Variants in CSGALNACT1 observed in about 807,000 individuals in gnomAD.
CSGALNACT1 encodes chondroitin sulfate N-acetylgalactosaminyltransferase 1, also known as beta4GalNAcT-1.
Under a neutral mutation model 51.0 loss-of-function variants are expected in CSGALNACT1, and 52 were observed. The observed-to-expected ratio is 1.02, with a 90% CI of 0.82 to 1.29. The LOEUF is 1.29. CSGALNACT1 is among the 50% of genes most tolerant of loss of function. The probability of loss-of-function intolerance (pLI) is 0.00; values close to 1 mark genes in which losing one functional copy is unlikely to be tolerated. For missense variants in CSGALNACT1, 935 were observed against 679.2 expected (o/e 1.38, Z -4.19); for synonymous variants, 341 against 254.4 (o/e 1.34, Z -3.24).
At chr8:19,610,674 C>T (rs547635655) in intron 1 of CSGALNACT1, among the ~76,000 whole-genome samples, 125 of 152,294 alleles carry the variant, frequency 8.2e-4, no homozygotes, top group African/African-American at 2.8e-3. Flanking sequence ...TGGCCCAGCT[C>T]CCGAGGAAAG....
At chr8:19,466,780 A>G (rs4442162) in intron 4 of CSGALNACT1, among the ~76,000 whole-genome samples, 8 of 152,108 alleles carry the variant, frequency 5.3e-5, no homozygotes, top group African/African-American at 1.9e-4. Context: ...CTGTCTTCAC[A>G]TGTGGGGCCA....
chr8:19,531,736 T>C (rs2082803891), intron 3 of CSGALNACT1: 1 of 152,228 alleles, frequency 6.6e-6, no homozygotes, highest in South Asian at 2.1e-4. Context: ...ACTTTGTTGT[T>C]TGCAAGCAAA....
chr8:19,508,557 T>C (rs1331291869), intron 3 of CSGALNACT1, among the ~76,000 whole-genome samples: 3 of 152,220 alleles, frequency 2.0e-5, no homozygotes, highest in Non-Finnish European at 4.4e-5. Context: ...TTCAGGCACC[T>C]TGCTGTTTCT....
intron 4 of CSGALNACT1, among the ~76,000 whole-genome samples, chr8:19,476,261 T>C (rs1010083793): frequency 2.0e-5 from 3 of 152,174 alleles, no homozygotes; most frequent in African/African-American, 7.2e-5. Context: ...TTTTTTGAGA[T>C]GGAGATTCAC....
At chr8:19,637,360 A>G (rs2056209148) in intron 1 of CSGALNACT1, among the ~76,000 whole-genome samples, 1 of 152,172 alleles carries the variant, frequency 6.6e-6, no homozygotes, top group South Asian at 2.1e-4. Context: ...AATCACAGCA[A>G]TCATTCTTTT....
chr8:19,453,102 A>G (rs1294188586), intron 5 of CSGALNACT1, among the ~76,000 whole-genome samples: 1 of 152,242 alleles, frequency 6.6e-6, no homozygotes, highest in Non-Finnish European at 1.5e-5. Context: ...CCCAAGAATC[A>G]GAATAAAATT....
intron 8 of CSGALNACT1, among the ~76,000 whole-genome samples, chr8:19,410,699 C>A (rs1376228499): frequency 6.6e-6 from 1 of 152,224 alleles, no homozygotes; most frequent in South Asian, 2.1e-4. Flanking sequence ...TGGAGGCAGT[C>A]TGGCTTATGA....
chr8:19,731,233 C>T (rs1367809678), intron 1 of CSGALNACT1, among the ~76,000 whole-genome samples: 2 of 152,146 alleles, frequency 1.3e-5, no homozygotes, highest in African/African-American at 2.4e-5. Context: ...CTTGGCCAGC[C>T]GCAGTGGCTC....
chr8:19,510,126 C>G (rs1485207638), intron 3 of CSGALNACT1, among the ~76,000 whole-genome samples: 2 of 152,148 alleles, frequency 1.3e-5, no homozygotes, highest in Non-Finnish European at 2.9e-5. Flanking sequence ...TTCATCCTTA[C>G]TAATTGTTTT....
intron 3 of CSGALNACT1, among the ~76,000 whole-genome samples, chr8:19,563,983 G>A (rs2041372226): frequency 6.6e-6 from 1 of 151,946 alleles, no homozygotes; most frequent in African/African-American, 2.4e-5. Context: ...TGTCTCCACG[G>A]CTCTCCACAC....
intron 1 of CSGALNACT1, among the ~76,000 whole-genome samples, chr8:19,648,181 G>C (rs954762452): frequency 1.3e-4 from 20 of 152,138 alleles, no homozygotes; most frequent in African/African-American, 4.8e-4. Context: ...CAACACTTAA[G>C]AATAAAGCAT....
intron 5 of CSGALNACT1, among the ~76,000 whole-genome samples, chr8:19,452,844 A>G (rs183675788): frequency 5.8e-4 from 89 of 152,308 alleles, no homozygotes; most frequent in African/African-American, 2.1e-3. Flanking sequence ...AAGAGCCACA[A>G]GAAAAGGGAA....
chr8:19,644,139 T>A (rs970583773), intron 1 of CSGALNACT1, among the ~76,000 whole-genome samples: 1 of 152,186 alleles, frequency 6.6e-6, no homozygotes, highest in East Asian at 1.9e-4. Context: ...ATTTGTGATA[T>A]ATGTTAATGT....
At position 19,461,624 on chromosome 8, in the gene CSGALNACT1, G is replaced by T. The variant is rs1448397125; in HGVS notation, c.635-2982C>A. ...ACAGCGGCCACATTCACCATGGGGG[G>T]CGTATCCGCACAGCGGCCACATTCA... On this transcript the variant is annotated intron_variant, in intron 4 of 9. Transcript: ENST00000454498. 8.8e-4 allele frequency among the ~76,000 whole-genome samples: 121 copies of T among 137,386 alleles called. 4 individuals are homozygous for T. Among genetic ancestry groups the T allele is most frequent in the Non-Finnish European group, 1.5e-3 (98 of 63,416 alleles). 90.1% of individuals were successfully genotyped at this position (137,386 alleles called of 152,430 possible). A position where few individuals can be genotyped will look rare whatever the true frequency, so the allele number is the denominator to read the frequency against.
At chr8:19,650,877 G>C (rs963212577) in intron 1 of CSGALNACT1, among the ~76,000 whole-genome samples, 5 of 152,186 alleles carry the variant, frequency 3.3e-5, no homozygotes, top group South Asian at 2.1e-4. Flanking sequence ...GGACTCAGGT[G>C]AAGAGTCACG....
At chr8:19,751,016 GA>G (rs2064995189) in intron 1 of CSGALNACT1, among the ~76,000 whole-genome samples, 1 of 152,070 alleles carries the variant, frequency 6.6e-6, no homozygotes, top group African/African-American at 2.4e-5. Context: ...CAGACCCTCT[GA>G]TAAAAATTAT....
chr8:19,638,445 A>T (rs1038910228), intron 1 of CSGALNACT1, among the ~76,000 whole-genome samples: 7 of 152,132 alleles, frequency 4.6e-5, no homozygotes, highest in Non-Finnish European at 1.0e-4. Flanking sequence ...GCCCTGTAAG[A>T]TTACTCTCAG....
intron 1 of CSGALNACT1, among the ~76,000 whole-genome samples, chr8:19,739,293 T>C (rs1228568772): frequency 6.6e-6 from 1 of 152,060 alleles, no homozygotes; most frequent in African/African-American, 2.4e-5. Context: ...ATGTATGACA[T>C]TGACTCTAAA....
chr8:19,486,381 C>A (rs1437427062), intron 4 of CSGALNACT1, among the ~76,000 whole-genome samples: 1 of 152,096 alleles, frequency 6.6e-6, no homozygotes, highest in African/African-American at 2.4e-5. Flanking sequence ...CCAGAAAAAC[C>A]CTTCTAAAAC....
Sources: gnomAD v4.1 joint callset for allele counts (sites outside exome capture counted in the v4.1 genomes callset) on GRCh38, gnomAD v4.1.1 for gene constraint, MANE v1.5 for transcripts, NCBI Gene and HGNC (gene_info 2026-07-23, HGNC 2026-07-21) for gene names.